The following HMGCL variants were observed in gnomAD, a reference collection of about 807,000 sequenced individuals.
The protein encoded by HMGCL is 3-hydroxy-3-methylglutaryl-CoA lyase.
A neutral mutation model predicts 37.3 loss-of-function variants in HMGCL; 26 were observed. The ratio of observed to expected loss-of-function variants is 0.70; its 90% CI spans 0.51 to 0.97. The LOEUF is 0.97. Among genes scored for constraint, HMGCL ranks in the 50% least tolerant of loss-of-function variants. The pLI is 0.00. For missense variants in HMGCL, 379 were observed against 398.1 expected, an observed-to-expected ratio of 0.95 and a Z score of 0.41; for synonymous variants, 151 against 148.0, an observed-to-expected ratio of 1.02 and a Z score of -0.15.
rs149215365 is a variant in HMGCL at position 23,804,982 on chromosome 1, A to G, written c.751-457T>C. Reference sequence around the variant, plus strand: ...CTTCCCAGGTCAGTCACCTCCCACTATCCCAAATGACTATTTCACTTTCTC... The same window carrying G: ...CTTCCCAGGTCAGTCACCTCCCACTGTCCCAAATGACTATTTCACTTTCTC... On this transcript the variant is annotated intron_variant, in intron 7 of 8. Transcript: ENST00000374490. Among the ~76,000 whole-genome samples, 19 of 148,574 alleles carry G rather than the reference A, an allele frequency of 1.3e-4. No individual in the cohort carries two copies. In the East Asian group the frequency reaches 3.8e-3, roughly 30 times the overall value.
intron 2 of HMGCL, among the ~76,000 whole-genome samples, chr1:23,817,859 G>C (rs1431887990): frequency 1.3e-5 from 2 of 152,156 alleles, no homozygotes; most frequent in Non-Finnish European, 2.9e-5. Flanking sequence ...GTATGGGATG[G>C]GGCCCCCAAA....
rs1048814450 is a variant in HMGCL at position 23,808,117 on chromosome 1, G to A, written c.750+18C>T. The A allele has an allele frequency of 1.2e-6, 2 of 1,609,214 alleles. No homozygotes were observed. Among genetic ancestry groups the A allele is most frequent in the Non-Finnish European group, 8.5e-7 (1 of 1,175,618 alleles). On this transcript the variant is annotated intron_variant, in intron 7 of 8. Transcript: ENST00000374490. ...CCCACCGTGACCTTTGGGAGAATGG[G>A]CATATGCTTTTGATTACCTGCAGGG... is the stretch of plus-strand genomic sequence containing the variant.
rs144335301 is a variant in HMGCL at position 23,807,984 on chromosome 1, C to T, written c.750+151G>A. 2.2e-3 allele frequency: 1,499 copies of T among 695,902 alleles called. 24 individuals carry two copies. The African/African-American group carries it at 0.023, about 11-fold the overall frequency. 43.1% of individuals were successfully genotyped at this position (695,902 alleles called of 1,614,324 possible). On this transcript the variant is annotated intron_variant, in intron 7 of 8. Coordinates refer to ENST00000374490, the MANE Select transcript of HMGCL (RefSeq NM_000191.3). Reference sequence around the variant, plus strand: ...CCCCAACACAGAGCTGTACACTTCACATCTGGGCAGGGTCACCATGACTGT... The same window carrying T: ...CCCCAACACAGAGCTGTACACTTCATATCTGGGCAGGGTCACCATGACTGT...
intron 4 of HMGCL, chr1:23,816,240 C>T (rs1638611589): frequency 3.6e-6 from 1 of 277,764 alleles, no homozygotes; most frequent in African/African-American, 2.2e-5. Context: ...AAGGTTTTTG[C>T]CTAAATACAG....
Position 23,806,419 on chromosome 1 carries a change from G to GCTCCC in HMGCL, c.750+1711_750+1715dup, listed in dbSNP as rs1638411227. On this transcript the variant is annotated intron_variant, in intron 7 of 8. Coordinates refer to ENST00000374490, the MANE Select transcript of HMGCL (RefSeq NM_000191.3). The surrounding 1 kb of genome is among the most constrained non-coding windows in gnomAD (Gnocchi z 4.0). ...CTGCCCCCCTCTCCTCAGTCACACT[G>GCTCCC]CTCCCGCCACATGCCTCCTCCTGAT... Among the ~76,000 whole-genome samples, 1 of 152,048 alleles carries GCTCCC rather than the reference G, an allele frequency of 6.6e-6. No homozygotes were observed. The highest frequency in any genetic ancestry group is 2.4e-5 in the African/African-American group (1 of 41,386).
intron 7 of HMGCL, chr1:23,807,384 C>A: frequency 2.6e-6 from 1 of 387,434 alleles, no homozygotes; most frequent in Non-Finnish European, 5.1e-6. Flanking sequence ...CTGGCTTAGA[C>A]ACGAACCTCT....
intron 4 of HMGCL, 76 bp downstream of exon 4, chr1:23,816,597 CTG>C (rs1638617554): frequency 1.1e-6 from 1 of 910,656 alleles, no homozygotes. Flanking sequence ...GGACAGGGGA[CTG>C]AGGCGCCAAG....
rs183672042 is a variant in HMGCL, at chr1:23,810,511, G to C, written c.561+225C>G. 8.6e-4 allele frequency: 455 copies of C among 529,114 alleles called. 2 individuals are homozygous for C. Among genetic ancestry groups the C allele is most frequent in the African/African-American group, 8.1e-3 (422 of 52,096 alleles). The allele number at this position is 529,114 out of a possible 1,614,324, so 32.8% of individuals were successfully genotyped here. A position where few individuals can be genotyped will look rare whatever the true frequency, so the allele number is the denominator to read the frequency against. ...TGGAAACTGAATTGGAGGTTTTCAG[G>C]CTGGATAGAGGCCAGGGGCTTCAAG... On this transcript the variant is annotated intron_variant, in intron 6 of 8. Transcript: ENST00000374490.
intron 5 of HMGCL, among the ~76,000 whole-genome samples, chr1:23,811,885 G>T (rs983266479): frequency 2.6e-5 from 4 of 152,238 alleles, no homozygotes; most frequent in Non-Finnish European, 5.9e-5. Flanking sequence ...ATGTTCAACA[G>T]ATAAATAATT....
At chr1:23,824,354 C>T (rs1429436816) in intron 1 of HMGCL, among the ~76,000 whole-genome samples, 2 of 152,136 alleles carry the variant, frequency 1.3e-5, no homozygotes, top group Non-Finnish European at 2.9e-5. Flanking sequence ...TGCTTGGAAC[C>T]CCATGGAGGG....
chr1:23,810,891 A>G, intron 5 of HMGCL, 92 bp from the exon 6 acceptor site: 1 of 1,010,614 alleles, frequency 9.9e-7, no homozygotes, highest in Admixed American at 1.9e-5. Context: ...ATTTCTGATC[A>G]GTGTGCAATC....
chr1:23,808,214 T>C lies in HMGCL; in HGVS notation c.671A>G (p.Glu224Gly), dbSNP rs756397436. The C allele has an allele frequency of 6.2e-7, 1 of 1,613,956 alleles. No homozygotes were observed. Among genetic ancestry groups the C allele is most frequent in the South Asian group, 1.1e-5 (1 of 91,076 alleles). ...MKDMLSAVMQEVPLAALAVHC... is the reference protein window; with the variant it reads ...MKDMLSAVMQGVPLAALAVHC... Reference sequence around the variant, plus strand: ...GACAGCCAGGGCAGCCAGAGGCACTTCCTGCATGACAGCAGATAGCATGTC... The same window carrying C: ...GACAGCCAGGGCAGCCAGAGGCACTCCCTGCATGACAGCAGATAGCATGTC... Residue 224 changes from glutamate (E) to glycine (G), a missense_variant, in exon 7 of 9, where the codon GAA becomes GGA. Coordinates refer to ENST00000374490, the MANE Select transcript of HMGCL (RefSeq NM_000191.3).
chr1:23,823,738 C>A (rs1638764962), intron 1 of HMGCL, among the ~76,000 whole-genome samples: 1 of 151,916 alleles, frequency 6.6e-6, no homozygotes, highest in African/African-American at 2.4e-5. Context: ...TGTAAGAAAT[C>A]TAAGGCCCCA....
At chr1:23,804,247 A>G in intron 8 of HMGCL, 153 bp downstream of exon 8, 1 of 869,182 alleles carries the variant, frequency 1.2e-6, no homozygotes, top group Non-Finnish European at 1.8e-6. Context: ...AAGTGCTGAG[A>G]TTACAGGCAT....
At chr1:23,810,602 G>A (rs1192285455) in intron 6 of HMGCL, 134 bp downstream of exon 6, 2 of 756,562 alleles carry the variant, frequency 2.6e-6, no homozygotes, top group Non-Finnish European at 2.4e-6. Flanking sequence ...CACAGCAGGA[G>A]CTTAATGAAG....
chr1:23,820,524 G>A lies in HMGCL; in HGVS notation c.130C>T (p.Leu44=). The A allele has an allele frequency of 1.2e-6, 2 of 1,613,224 alleles. No homozygotes were observed. Among genetic ancestry groups the A allele is most frequent in the Non-Finnish European group, 1.7e-6 (2 of 1,179,258 alleles). The stretch of plus-strand genomic sequence containing the variant: ...TCCAACTTTACCTTTTCATTTTGTA[G>A]TCCATCTCGGGGACCAACTTCCACA... ...KIVEVGPRDG[L]QNEKNIVSTP... Residue 44 remains leucine, a synonymous_variant, in exon 2 of 9, where the codon CTA becomes TTA. Transcript: ENST00000374490.
At chr1:23,813,958 A>G in intron 5 of HMGCL, 1 of 559,750 alleles carries the variant, frequency 1.8e-6, no homozygotes, top group East Asian at 3.2e-5. Context: ...CTAGGACTAC[A>G]GGCGCATGCT....
rs1203156716 is a variant in HMGCL at position 23,802,389 on chromosome 1, T to C, written c.*74A>G. On this transcript the variant is annotated 3_prime_UTR_variant, in exon 9 of 9. Coordinates refer to ENST00000374490, the MANE Select transcript of HMGCL (RefSeq NM_000191.3). Reference sequence around the variant, plus strand: ...ACCATTTAACCTATTCTCATTTCCATGTCCCCATCCATGAATCATCTGTGT... The same window carrying C: ...ACCATTTAACCTATTCTCATTTCCACGTCCCCATCCATGAATCATCTGTGT... The C allele has an allele frequency of 1.1e-6, 1 of 920,394 alleles. No individual in the cohort carries two copies. The highest frequency in any genetic ancestry group is 1.8e-6 in the Non-Finnish European group (1 of 547,200). 57.0% of individuals were successfully genotyped at this position (920,394 alleles called of 1,614,324 possible). A position where few individuals can be genotyped will look rare whatever the true frequency, so the allele number is the denominator to read the frequency against.
intron 8 of HMGCL, 21 bp from the exon 9 acceptor site, chr1:23,802,585 G>A (rs766571226): frequency 2.7e-6 from 4 of 1,496,826 alleles, no homozygotes; most frequent in Non-Finnish European, 3.7e-6. Flanking sequence ...CAAGTTAGAG[G>A]ATGCGGTAAG....
Sources: allele counts gnomAD v4.1 joint callset (sites outside exome capture counted in the v4.1 genomes callset), GRCh38; gene constraint gnomAD v4.1.1; non-coding constraint Gnocchi (gnomAD v3.1); transcripts MANE v1.5; gene names NCBI Gene and HGNC (gene_info 2026-07-23, HGNC 2026-07-21).